PCDH7: variants seen among roughly 807,000 people sequenced by gnomAD.
The protein encoded by PCDH7 is protocadherin-7.
In PCDH7, 17 loss-of-function variants were observed where a neutral mutation model predicts 58.9. That is an observed-to-expected ratio of 0.29 (90% CI 0.20 to 0.43). PCDH7 has a LOEUF of 0.43. Among genes scored for constraint, PCDH7 ranks in the 20% least tolerant of loss-of-function variants. The pLI is 1.00. For missense variants in PCDH7, 1,274 were observed against 1,441.0 expected, an observed-to-expected ratio of 0.88 and a Z score of 1.88; for synonymous variants, 664 against 616.4, an observed-to-expected ratio of 1.08 and a Z score of -1.14.
intron 1 of PCDH7, among the ~76,000 whole-genome samples, chr4:30,741,693 TG>T (rs1206429861): frequency 6.6e-6 from 1 of 152,186 alleles, no homozygotes; most frequent in Non-Finnish European, 1.5e-5. Flanking sequence ...AGTTGAATAG[TG>T]TTTGTTATTT....
intron 3 of PCDH7, among the ~76,000 whole-genome samples, chr4:31,121,810 A>G (rs1452645857): frequency 2.6e-5 from 4 of 152,142 alleles, no homozygotes; most frequent in Admixed American, 2.6e-4. Context: ...TTCATCTGTA[A>G]GGAGTTCCAT....
chr4:30,724,332 G>T, exon 1 of PCDH7: 3 of 1,614,056 alleles, frequency 1.9e-6, no homozygotes, highest in Non-Finnish European at 2.5e-6. Context: ...TCAATGAGAA[G>T]CTGTCAGACA....
chr4:30,735,208 C>T (rs1313557591), downstream of PCDH7, among the ~76,000 whole-genome samples: 1 of 152,142 alleles, frequency 6.6e-6, no homozygotes, highest in African/African-American at 2.4e-5. Flanking sequence ...GATGTAGATA[C>T]ATGTGCACAC....
chr4:30,943,260 A>G (rs769478930), intron 2 of PCDH7, among the ~76,000 whole-genome samples: 16 of 152,096 alleles, frequency 1.1e-4, no homozygotes, highest in Non-Finnish European at 1.9e-4. Flanking sequence ...AGCTCTCAGC[A>G]TGATAACCAA....
chr4:30,903,388 T>A (rs931823018), intron 1 of PCDH7, among the ~76,000 whole-genome samples: 2 of 151,960 alleles, frequency 1.3e-5, no homozygotes, highest in Non-Finnish European at 2.9e-5. Flanking sequence ...AATAAAGACG[T>A]TTATTATCAG....
intron 1 of PCDH7, among the ~76,000 whole-genome samples, chr4:30,740,823 T>A (rs1335161991): frequency 6.6e-6 from 1 of 152,156 alleles, no homozygotes; most frequent in Admixed American, 6.5e-5. Context: ...TAACAGTTTT[T>A]TAAAAAATAT....
chr4:30,728,959 A>C (rs1715052340), intron 1 of PCDH7, among the ~76,000 whole-genome samples: 1 of 151,820 alleles, frequency 6.6e-6, no homozygotes, highest in Non-Finnish European at 1.5e-5. Flanking sequence ...TGTGAAAAAT[A>C]TCTAAGCTTA....
chr4:30,852,503 T>C (rs1189900959), intron 1 of PCDH7, among the ~76,000 whole-genome samples: 1 of 152,056 alleles, frequency 6.6e-6, no homozygotes, highest in African/African-American at 2.4e-5. Flanking sequence ...TTGAGACTAC[T>C]TGAAGTAGTC....
chr4:30,783,460 A>G (rs992763941), intron 1 of PCDH7, among the ~76,000 whole-genome samples: 1 of 152,216 alleles, frequency 6.6e-6, no homozygotes, highest in Non-Finnish European at 1.5e-5. Context: ...CGTATTGCCA[A>G]TTATATGCAA....
chr4:31,101,746 A>G (rs1714920100), intron 3 of PCDH7, among the ~76,000 whole-genome samples: 2 of 152,194 alleles, frequency 1.3e-5, no homozygotes, highest in Non-Finnish European at 1.5e-5. Context: ...AACCAAGCAT[A>G]TTATATAAAT....
chr4:30,814,723 A>G (rs894575075), intron 1 of PCDH7, among the ~76,000 whole-genome samples: 4 of 152,204 alleles, frequency 2.6e-5, no homozygotes, highest in Admixed American at 6.5e-5. Flanking sequence ...TCTAAGGCTT[A>G]AAATATTGGT....
intron 1 of PCDH7, among the ~76,000 whole-genome samples, chr4:30,767,956 T>C (rs558462678): frequency 6.6e-6 from 1 of 152,320 alleles, no homozygotes; most frequent in South Asian, 2.1e-4. Flanking sequence ...CTCCTATCCT[T>C]CATTATTACA....
At chr4:31,099,001 G>C (rs941072692) in intron 3 of PCDH7, among the ~76,000 whole-genome samples, 2 of 152,100 alleles carry the variant, frequency 1.3e-5, no homozygotes, top group Non-Finnish European at 2.9e-5. Context: ...TATTGGATTA[G>C]AGCCCCACCC....
chr4:30,936,612 G>T (rs1159893035), intron 2 of PCDH7, among the ~76,000 whole-genome samples: 2 of 150,556 alleles, frequency 1.3e-5, no homozygotes, highest in Admixed American at 6.6e-5. Context: ...TTCTATCTGT[G>T]TATTATAAAC....
At chr4:31,000,333 G>A (rs1289653304) in intron 3 of PCDH7, among the ~76,000 whole-genome samples, 1 of 152,034 alleles carries the variant, frequency 6.6e-6, no homozygotes, top group Admixed American at 6.6e-5. Flanking sequence ...AGTTACTCTC[G>A]CTATAGGAAA....
intron 1 of PCDH7, among the ~76,000 whole-genome samples, chr4:30,775,912 G>C (rs1039509725): frequency 6.6e-6 from 1 of 152,004 alleles, no homozygotes; most frequent in Admixed American, 6.6e-5. Context: ...AAAAAGATAT[G>C]AGTTATGATG....
chr4:30,968,376 C>CTATATATATATATATATATATATA lies in PCDH7; in HGVS notation c.*7+18177_*7+18200dup, dbSNP rs60085619. ...TACACACACTATATATATACACACA[C>CTATATATATATATATATATATATA]TATATATATATATATATATATATAT... On this transcript the variant is annotated intron_variant, in intron 3 of 3. Coordinates refer to the PCDH7 transcript ENST00000509759. Among the ~76,000 whole-genome samples the CTATATATATATATATATATATATA allele has an allele frequency of 2.7e-4, 18 of 67,050 alleles. 1 individual carries two copies. Among genetic ancestry groups the CTATATATATATATATATATATATA allele is most frequent in the Non-Finnish European group, 2.9e-4 (11 of 37,564 alleles). The allele number at this position is 67,050 out of a possible 152,430, so 44.0% of individuals were successfully genotyped here. A position where few individuals can be genotyped will look rare whatever the true frequency, so the allele number is the denominator to read the frequency against.
At chr4:30,823,027 G>A (rs753638986) in intron 1 of PCDH7, among the ~76,000 whole-genome samples, 6 of 152,108 alleles carry the variant, frequency 3.9e-5, no homozygotes, top group Non-Finnish European at 7.4e-5. Flanking sequence ...TGACAATACA[G>A]GCATCACCAG....
At chr4:30,743,853 A>G (rs1473047847) in intron 1 of PCDH7, among the ~76,000 whole-genome samples, 1 of 152,120 alleles carries the variant, frequency 6.6e-6, no homozygotes, top group East Asian at 1.9e-4. Flanking sequence ...TTGGGGGAAT[A>G]TTGGCGTTTT....
Sources: gnomAD v4.1 joint callset for allele counts (sites outside exome capture counted in the v4.1 genomes callset) on GRCh38, gnomAD v4.1.1 for gene constraint, MANE v1.5 for transcripts, NCBI Gene and HGNC (gene_info 2026-07-23, HGNC 2026-07-21) for gene names.